SIPA1L1: variants seen among roughly 807,000 people sequenced by gnomAD.
SIPA1L1 encodes the protein signal induced proliferation associated 1 like 1.
Under a neutral mutation model 162.7 loss-of-function variants are expected in SIPA1L1, and 26 were observed. That is an observed-to-expected ratio of 0.16 (90% confidence interval 0.12 to 0.22). SIPA1L1 has a LOEUF of 0.22. SIPA1L1 is among the 10% of genes least tolerant of loss of function. The pLI is 1.00. For missense variants in SIPA1L1, 1,874 were observed against 2,241.0 expected (o/e 0.84, Z 3.31); for synonymous variants, 829 against 837.4 (o/e 0.99, Z 0.17).
intron 17 of SIPA1L1, among the ~76,000 whole-genome samples, chr14:71,712,173 A>C (rs1485673505): frequency 6.6e-6 from 1 of 152,218 alleles, no homozygotes; most frequent in Non-Finnish European, 1.5e-5. Flanking sequence ...TCAGTGACAA[A>C]GTCTAAATTA....
intron 4 of SIPA1L1, among the ~76,000 whole-genome samples, chr14:71,535,123 A>C (rs1247720477): frequency 6.6e-6 from 1 of 152,246 alleles, no homozygotes; most frequent in Non-Finnish European, 1.5e-5. Context: ...AGGTTCTCAC[A>C]GAACACAGAG....
At chr14:71,382,064 T>C (rs553919150) in intron 2 of SIPA1L1, among the ~76,000 whole-genome samples, 24 of 152,362 alleles carry the variant, frequency 1.6e-4, no homozygotes, top group Admixed American at 1.5e-3. Flanking sequence ...AATGTGAGAA[T>C]GTTTCTACTT....
At position 71,434,454 on chromosome 14, in the gene SIPA1L1, C is replaced by G. The variant is rs191504812; in HGVS notation, c.-464-78289C>G. On this transcript the variant is annotated intron_variant, in intron 2 of 23. Coordinates refer to ENST00000381232, the MANE Select transcript of SIPA1L1 (RefSeq NM_001386936.1). ...GTTACAAGTCCATGGAATAATATTC[C>G]AAGGTAATACAGTGAAGCTAAACTA... Among the ~76,000 whole-genome samples the G allele has an allele frequency of 6.6e-5, 10 of 152,188 alleles. No individual in the cohort carries two copies. In the East Asian group the frequency reaches 1.7e-3, roughly 26 times the overall value.
Position 71,462,258 on chromosome 14 carries a change from A to G in SIPA1L1, c.-464-50485A>G, listed in dbSNP as rs559966210. On this transcript the variant is annotated intron_variant, in intron 2 of 23. Transcript: ENST00000381232. ...CGGCAGAGCCTTGCTCCAAAATCCT[A>G]GAGGCCTCCTCTGTGATTCACCTAT... Among the ~76,000 whole-genome samples the G allele has an allele frequency of 3.3e-5, 5 of 152,318 alleles. No individual in the cohort carries two copies. The South Asian group carries it at 1.0e-3, about 32-fold the overall frequency.
chr14:71,342,484 G>A (rs1019062550), intron 2 of SIPA1L1, among the ~76,000 whole-genome samples: 1 of 152,172 alleles, frequency 6.6e-6, no homozygotes, highest in Non-Finnish European at 1.5e-5. Flanking sequence ...GATTTTTAAA[G>A]AGATGTTGAT....
intron 4 of SIPA1L1, among the ~76,000 whole-genome samples, chr14:71,541,337 A>G (rs2054361104): frequency 6.6e-6 from 1 of 152,216 alleles, no homozygotes; most frequent in East Asian, 1.9e-4. Flanking sequence ...AATGTTTATT[A>G]TATCTATAAC....
chr14:71,347,118 AT>A (rs34836765), intron 2 of SIPA1L1, among the ~76,000 whole-genome samples: 3,284 of 143,664 alleles, frequency 0.023, 113 homozygotes, highest in African/African-American at 0.078. Flanking sequence ...CGTCTGGGTA[AT>A]TTTTTTTTTT....
chr14:71,536,947 G>A (rs747484610), intron 4 of SIPA1L1, among the ~76,000 whole-genome samples: 1 of 152,084 alleles, frequency 6.6e-6, no homozygotes, highest in Non-Finnish European at 1.5e-5. Flanking sequence ...TTTCTTGCCT[G>A]TTTTTCTTTT....
intron 2 of SIPA1L1, among the ~76,000 whole-genome samples, chr14:71,349,606 G>A (rs1023616003): frequency 1.3e-5 from 2 of 152,134 alleles, no homozygotes; most frequent in Admixed American, 1.3e-4. Context: ...CAGAATTTTA[G>A]TATAGGTTTA....
At chr14:71,613,469 T>C (rs1158112333) in intron 5 of SIPA1L1, among the ~76,000 whole-genome samples, 3 of 152,162 alleles carry the variant, frequency 2.0e-5, no homozygotes, top group Admixed American at 1.3e-4. Context: ...TATTGGTTTT[T>C]GGCATCCCGG....
At chr14:71,611,085 C>A (rs186196112) in intron 5 of SIPA1L1, among the ~76,000 whole-genome samples, 1 of 152,180 alleles carries the variant, frequency 6.6e-6, no homozygotes, top group Non-Finnish European at 1.5e-5. Context: ...GTTTAGTTCT[C>A]ATGGAACCTC....
intron 22 of SIPA1L1, chr14:71,735,623 A>C (rs943441120): frequency 6.7e-6 from 3 of 448,896 alleles, no homozygotes; most frequent in African/African-American, 6.0e-5. Context: ...TTATTATTTA[A>C]TGTCATAATA....
chr14:71,708,723 A>G (rs1481055384), intron 16 of SIPA1L1, among the ~76,000 whole-genome samples: 2 of 152,186 alleles, frequency 1.3e-5, no homozygotes. Flanking sequence ...GTACCTCTGT[A>G]TAAATTTCAC....
At chr14:71,540,913 G>A (rs1381518524) in intron 4 of SIPA1L1, among the ~76,000 whole-genome samples, 1 of 152,160 alleles carries the variant, frequency 6.6e-6, no homozygotes, top group Admixed American at 6.5e-5. Flanking sequence ...GATTGCCTGA[G>A]GTCAGGAGTT....
chr14:71,343,830 A>G (rs1297552976), intron 2 of SIPA1L1, among the ~76,000 whole-genome samples: 2 of 152,178 alleles, frequency 1.3e-5, no homozygotes, highest in Non-Finnish European at 2.9e-5. Context: ...AACCAAGAAC[A>G]GTGTTTACCT....
intron 4 of SIPA1L1, among the ~76,000 whole-genome samples, chr14:71,535,967 T>C (rs1334557407): frequency 6.6e-6 from 1 of 152,190 alleles, no homozygotes; most frequent in East Asian, 1.9e-4. Context: ...TGCTACATCT[T>C]ATCTGATGTC....
intron 22 of SIPA1L1, among the ~76,000 whole-genome samples, chr14:71,736,786 A>T (rs1359814806): frequency 6.6e-6 from 1 of 152,188 alleles, no homozygotes; most frequent in Non-Finnish European, 1.5e-5. Context: ...AAGGATTATT[A>T]AAAAATCAGC....
chr14:71,739,089 G>A lies in SIPA1L1; in HGVS notation c.5280G>A (p.Glu1760=), dbSNP rs767543613. 2.9e-5 allele frequency: 46 copies of A among 1,613,962 alleles called. No individual in the cohort carries two copies. The highest frequency in any genetic ancestry group is 3.7e-5 in the Non-Finnish European group (44 of 1,179,982). Residue 1760 remains glutamate (E), a synonymous_variant, in exon 24 of 24, where the codon GAG becomes GAA. Transcript: ENST00000381232. ...GAGAGGACAACCTGAGGCTACAGGA[G>A]GAGTCCCAGAACGCCTCGGACAAGC... The part of the protein sequence containing the change: ...HLREDNLRLQ[E]ESQNASDKLK...
chr14:71,538,457 G>A (rs893655946), intron 4 of SIPA1L1, among the ~76,000 whole-genome samples: 5 of 152,134 alleles, frequency 3.3e-5, no homozygotes, highest in African/African-American at 9.7e-5. Flanking sequence ...CAAGGAAGGC[G>A]GTTAAATGTG....
Sources: allele counts gnomAD v4.1 joint callset (sites outside exome capture counted in the v4.1 genomes callset), GRCh38; gene constraint gnomAD v4.1.1; transcripts MANE v1.5; gene names NCBI Gene and HGNC (gene_info 2026-07-23, HGNC 2026-07-21).